ARSB: variants seen among roughly 807,000 people sequenced by gnomAD.
The protein encoded by ARSB is N-acetylgalactosamine-4-sulfatase.
Under a neutral mutation model 50.9 loss-of-function variants are expected in ARSB, and 41 were observed. The observed-to-expected ratio is 0.81, with a 90% CI of 0.63 to 1.04. The LOEUF (loss-of-function observed/expected upper bound fraction) is 1.04, where lower values mean the gene tolerates loss of function less well. Among genes scored for constraint, ARSB ranks in the 50% least tolerant of loss-of-function variants. The pLI, the probability that ARSB is intolerant of heterozygous loss-of-function variation, is 0.00. For synonymous variants in ARSB, 269 were observed against 284.8 expected (o/e 0.94, Z 0.56); for missense variants, 672 against 693.3 (o/e 0.97, Z 0.35).
intron 5 of ARSB, among the ~76,000 whole-genome samples, chr5:78,872,886 C>A (rs533862537): frequency 1.3e-5 from 2 of 150,902 alleles, no homozygotes; most frequent in Admixed American, 6.6e-5. Context: ...CAATACACAG[C>A]GCTCTTGAAG....
chr5:78,916,559 T>C (rs1305533805), intron 4 of ARSB, among the ~76,000 whole-genome samples: 4 of 152,216 alleles, frequency 2.6e-5, no homozygotes, highest in Admixed American at 6.5e-5. Flanking sequence ...CTCTTATTGA[T>C]AAAAACAGAA....
At chr5:78,840,058 G>A (rs1348272514) in intron 5 of ARSB, among the ~76,000 whole-genome samples, 1 of 152,138 alleles carries the variant, frequency 6.6e-6, no homozygotes, top group East Asian at 1.9e-4. Flanking sequence ...AAATGATGAA[G>A]GTACATAGTA....
At chr5:78,826,233 G>A (rs1408213600) in intron 6 of ARSB, among the ~76,000 whole-genome samples, 1 of 152,042 alleles carries the variant, frequency 6.6e-6, no homozygotes, top group Non-Finnish European at 1.5e-5. Flanking sequence ...TTTCAGTAGA[G>A]ATGGGGTTTC....
intron 1 of ARSB, among the ~76,000 whole-genome samples, chr5:78,975,976 T>C (rs575743924): frequency 6.6e-6 from 1 of 152,348 alleles, no homozygotes; most frequent in South Asian, 2.1e-4. Flanking sequence ...TTAGTAATAT[T>C]AAGTTTTCTA....
At chr5:78,839,294 G>T in intron 6 of ARSB, 62 bp downstream of exon 6, 3 of 1,472,240 alleles carry the variant, frequency 2.0e-6, no homozygotes, top group African/African-American at 1.4e-5. Context: ...GACACACTAG[G>T]TAATCAAACC....
chr5:78,858,214 A>G (rs1490287055), intron 5 of ARSB, among the ~76,000 whole-genome samples: 1 of 152,244 alleles, frequency 6.6e-6, no homozygotes, highest in Admixed American at 6.5e-5. Context: ...CCATAAACAA[A>G]TATCTCTATT....
chr5:78,876,383 A>C lies in ARSB; in HGVS notation c.1142+9201T>G, dbSNP rs565802736. On this transcript the variant is annotated intron_variant, in intron 5 of 7. Transcript: ENST00000264914. ...TCTTTGGATACTTCTGCTTCCAGCC[A>C]AATTAGATTTACTTAACCCTCTTGC... Among the ~76,000 whole-genome samples, 10 of 152,370 alleles carry C rather than the reference A, an allele frequency of 6.6e-5. 1 individual carries two copies. In the South Asian group the frequency reaches 2.1e-3, roughly 32 times the overall value.
intron 6 of ARSB, among the ~76,000 whole-genome samples, chr5:78,831,022 A>G (rs1744651402): frequency 6.6e-6 from 1 of 152,182 alleles, no homozygotes; most frequent in Admixed American, 6.5e-5. Context: ...TGATTAAGGA[A>G]GTCACATGTG....
chr5:78,876,489 A>C (rs1443019241), intron 5 of ARSB, among the ~76,000 whole-genome samples: 1 of 152,244 alleles, frequency 6.6e-6, no homozygotes. Flanking sequence ...AACAATGATT[A>C]TTCCAAGATG....
chr5:78,826,898 T>C (rs1337588068), intron 6 of ARSB, among the ~76,000 whole-genome samples: 8 of 152,134 alleles, frequency 5.3e-5, no homozygotes, highest in Non-Finnish European at 1.2e-4. Flanking sequence ...AGGGGGAACC[T>C]ATTTGGCTGC....
chr5:78,950,068 T>G (rs886148116), intron 4 of ARSB, among the ~76,000 whole-genome samples: 8 of 152,300 alleles, frequency 5.3e-5, no homozygotes, highest in Admixed American at 2.0e-4. Context: ...CTTAACTCAT[T>G]TTACTCCAGG....
At chr5:78,844,159 T>C (rs923023908) in intron 5 of ARSB, among the ~76,000 whole-genome samples, 3 of 152,138 alleles carry the variant, frequency 2.0e-5, no homozygotes, top group Admixed American at 6.6e-5. Flanking sequence ...CATTTCACAC[T>C]CTCACCAGGA....
intron 6 of ARSB, chr5:78,817,248 G>T: frequency 2.6e-6 from 1 of 385,892 alleles, no homozygotes; most frequent in Non-Finnish European, 3.5e-6. Flanking sequence ...TCTGGTTTAT[G>T]CTTCCCTCCC....
chr5:78,901,815 A>G (rs1401661720), intron 4 of ARSB, among the ~76,000 whole-genome samples: 1 of 152,248 alleles, frequency 6.6e-6, no homozygotes, highest in Non-Finnish European at 1.5e-5. Context: ...AACTAAAACC[A>G]TAAGAAGATA....
chr5:78,950,997 A>T (rs1751471610), intron 4 of ARSB, among the ~76,000 whole-genome samples: 1 of 152,254 alleles, frequency 6.6e-6, no homozygotes, highest in South Asian at 2.1e-4. Context: ...AGATGCAAAA[A>T]GACAACTGAT....
Position 78,780,348 on chromosome 5 carries a change from G to A in ARSB, c.*49C>T, listed in dbSNP as rs779294772. The A allele has an allele frequency of 6.2e-7, 1 of 1,611,448 alleles. No homozygotes were observed. Among genetic ancestry groups the A allele is most frequent in the South Asian group, 1.1e-5 (1 of 90,928 alleles). The stretch of plus-strand genomic sequence containing the variant: ...AATGAGACAAGAGTCGTGAGAAAAG[G>A]CCTGAGGTCCAACTTCCAATTGAAA... On this transcript the variant is annotated 3_prime_UTR_variant, in exon 8 of 8. Transcript: ENST00000264914.
intron 6 of ARSB, among the ~76,000 whole-genome samples, chr5:78,787,066 C>A (rs889220949): frequency 2.0e-5 from 3 of 151,414 alleles, no homozygotes; most frequent in African/African-American, 7.3e-5. Context: ...TTCCATTGAT[C>A]TATAGTTATT....
chr5:78,965,563 AC>A (rs1206812793), intron 2 of ARSB, among the ~76,000 whole-genome samples: 1 of 152,148 alleles, frequency 6.6e-6, no homozygotes, highest in Non-Finnish European at 1.5e-5. Context: ...TAGTGGCACA[AC>A]CTTCTGAATT....
Position 78,959,442 on chromosome 5 carries a change from C to T in ARSB, c.691-3940G>A, listed in dbSNP as rs1751888316. The stretch of plus-strand genomic sequence containing the variant: ...AGAATGGACTAATACAGTAAGAAAT[C>T]CCAAACTTCTACACTTTGAAACACG... On this transcript the variant is annotated intron_variant, in intron 3 of 7. Coordinates refer to ENST00000264914, the MANE Select transcript of ARSB (RefSeq NM_000046.5). Among the ~76,000 whole-genome samples, 3 of 152,138 alleles carry T rather than the reference C, an allele frequency of 2.0e-5. No individual in the cohort carries two copies. The South Asian group carries it at 6.3e-4, about 32-fold the overall frequency.
Sources: allele counts gnomAD v4.1 joint callset (sites outside exome capture counted in the v4.1 genomes callset), GRCh38; gene constraint gnomAD v4.1.1; transcripts MANE v1.5; gene names NCBI Gene and HGNC (gene_info 2026-07-23, HGNC 2026-07-21).